The following UBXN11 variants were observed in gnomAD, a reference collection of about 807,000 sequenced individuals.
UBXN11 encodes UBX domain protein 11.
A neutral mutation model predicts 62.8 loss-of-function variants in UBXN11; 47 were observed. That is an observed-to-expected ratio of 0.75 (90% CI 0.59 to 0.95). The LOEUF (loss-of-function observed/expected upper bound fraction) is 0.95. Ranked by LOEUF, UBXN11 falls within the 40% of genes least tolerant of loss-of-function variation. The pLI is 0.00. For synonymous variants in UBXN11, 294 were observed against 267.0 expected, an observed-to-expected ratio of 1.10 and a Z score of -0.99; for missense variants, 638 against 661.7, an observed-to-expected ratio of 0.96 and a Z score of 0.39.
chr1:26,315,613 A>G (rs2073783758), intron 1 of UBXN11, among the ~76,000 whole-genome samples: 1 of 150,932 alleles, frequency 6.6e-6, no homozygotes, highest in Non-Finnish European at 1.5e-5. Context: ...CTCCCTCTCC[A>G]CTTCCTGGCT....
In UBXN11 at chr1:26,286,014, C is replaced by A. The variant is rs1444991827; in HGVS notation, c.583G>T (p.Val195Leu). The A allele has an allele frequency of 6.2e-7, 1 of 1,607,500 alleles. No homozygotes were observed. The highest frequency in any genetic ancestry group is 1.1e-5 in the South Asian group (1 of 90,748). ...CTGGCCAGCAGCCTGTCAAAGTCCA[C>A]CTCAGGGGGCGCCAATGAGTCCCCT... is the stretch of plus-strand genomic sequence containing the variant. ...KPGDSLAPPE[V>L]DFDRLLASLQ... Residue 195 changes from valine to leucine, a missense_variant, in exon 9 of 15, where the codon GTG becomes TTG. Val to Leu is a conservative substitution (Grantham distance 32, BLOSUM62 1). Coordinates refer to ENST00000374222, the MANE Select transcript of UBXN11 (RefSeq NM_001389556.1).
rs1448977901 is a variant in UBXN11 at position 26,294,251 on chromosome 1, C to T, written c.513G>A (p.Glu171=). The change falls in exon 8 of 15, where the codon GAG becomes GAA. Residue 171 remains glutamate, a synonymous_variant. Coordinates refer to ENST00000374222, the MANE Select transcript of UBXN11 (RefSeq NM_001389556.1). ...QEDSESKTVS[E]HGERDWMTAK... is the part of the protein sequence containing the mutation. ...CTGTCATCCAGTCCCTCTCGCCATG[C>T]TCTGAGACTGTCTTGCTCTCTGAGT... 6.2e-7 allele frequency: 1 copy of T among 1,614,214 alleles called. No individual in the cohort carries two copies. The highest frequency in any genetic ancestry group is 1.7e-5 in the Admixed American group (1 of 60,030).
At chr1:26,287,751 G>A (rs554859627) in intron 8 of UBXN11, among the ~76,000 whole-genome samples, 22 of 152,134 alleles carry the variant, frequency 1.4e-4, no homozygotes, top group African/African-American at 5.1e-4. Context: ...CAGCCCCTCC[G>A]GGGGCTCCCC....
chr1:26,318,237 C>T, exon 1 of UBXN11: 1 of 625,474 alleles, frequency 1.6e-6, no homozygotes, highest in Non-Finnish European at 2.8e-6. Context: ...GCCGCCCAGC[C>T]TTCCAGCTCT....
chr1:26,299,663 C>G (rs1034916622), intron 4 of UBXN11, among the ~76,000 whole-genome samples: 1 of 152,058 alleles, frequency 6.6e-6, no homozygotes, highest in East Asian at 1.9e-4. Flanking sequence ...GAGCAGTGGA[C>G]AGTATAGGAC....
chr1:26,283,057 G>T, intron 12 of UBXN11, 120 bp from the exon 13 acceptor site: 2 of 1,319,922 alleles, frequency 1.5e-6, no homozygotes, highest in Non-Finnish European at 1.1e-6. Context: ...AAGCGGGAGG[G>T]GGTGTTCTGT....
Position 26,282,896 on chromosome 1 carries a change from C to T in UBXN11, c.1119G>A (p.Val373=). The change falls in exon 13 of 15, where the codon GTG becomes GTA. Residue 373 remains valine (V), a synonymous_variant. Transcript: ENST00000374222. ...GCTCAGCGGCCAAGGTGGGCGTCTCCACCACAATCTCCTGGATCCGGGCAG... is the reference window on the plus strand; with the variant it reads ...GCTCAGCGGCCAAGGTGGGCGTCTCTACCACAATCTCCTGGATCCGGGCAG... The part of the protein sequence containing the change: ...PLPARIQEIV[V]ETPTLAAERE... 6.2e-7 allele frequency: 1 copy of T among 1,614,238 alleles called. No homozygotes were observed. The highest frequency in any genetic ancestry group is 8.5e-7 in the Non-Finnish European group (1 of 1,180,038).
In UBXN11 at chr1:26,285,807, C is replaced by T. The variant is rs777360638; in HGVS notation, c.774+16G>A. The T allele has an allele frequency of 1.0e-5, 16 of 1,582,316 alleles. No homozygotes were observed. The highest frequency in any genetic ancestry group is 1.3e-5 in the African/African-American group (1 of 74,366). On this transcript the variant is annotated intron_variant, in intron 9 of 14. Coordinates refer to ENST00000374222, the MANE Select transcript of UBXN11 (RefSeq NM_001389556.1). Reference sequence around the variant, plus strand: ...CAGGGGCACTAGAGCACCACCCCCCCCAACACCGCTCCTACCTGTGTGGAG... The same window carrying T: ...CAGGGGCACTAGAGCACCACCCCCCTCAACACCGCTCCTACCTGTGTGGAG...
chr1:26,317,066 TAA>T (rs5773158), intron 1 of UBXN11, among the ~76,000 whole-genome samples: 666 of 135,656 alleles, frequency 4.9e-3, no homozygotes, highest in Middle Eastern at 7.4e-3. Context: ...CAGTCTCCGC[TAA>T]AAAAAAAAAA....
At chr1:26,302,362 T>TAAAAAAAAAAA (rs56003085) in intron 2 of UBXN11, among the ~76,000 whole-genome samples, 4 of 69,562 alleles carry the variant, frequency 5.8e-5, no homozygotes, top group East Asian at 4.6e-4. Flanking sequence ...ACTTGGTCTT[T>TAAAAAAAAAAA]AAAAAAAAAA....
chr1:26,300,778 C>T, intron 4 of UBXN11, 148 bp downstream of exon 4: 8 of 1,374,874 alleles, frequency 5.8e-6, no homozygotes, highest in African/African-American at 1.4e-5. Context: ...TATGCCAAGC[C>T]AGGTCCCTGC....
intron 7 of UBXN11, among the ~76,000 whole-genome samples, chr1:26,295,899 G>A (rs1347017961): frequency 6.6e-6 from 1 of 152,268 alleles, no homozygotes; most frequent in Non-Finnish European, 1.5e-5. Context: ...TGATAACTGT[G>A]TGGCGGAGAC....
chr1:26,289,160 C>T (rs938195831), intron 8 of UBXN11, among the ~76,000 whole-genome samples: 28 of 152,324 alleles, frequency 1.8e-4, no homozygotes, highest in African/African-American at 5.5e-4. Context: ...AGGGCACTTC[C>T]GAGCTCTGTA....
rs929397363 is a variant in UBXN11, at chr1:26,284,177, T to C, written c.1042A>G (p.Ile348Val). The change falls in exon 12 of 15, where the codon ATT (isoleucine) becomes GTT (valine). Residue 348 changes from isoleucine (I) to valine (V), a missense_variant. Ile to Val is a conservative substitution (Grantham distance 29). Transcript: ENST00000374222. ...TCCCTGATGGGGCCCCGGATGTCAA[T>C]CACCTCGCCTTGCCGGATCACAAAC... The part of the protein sequence containing the change: ...PKFVIRQGEV[I>V]DIRGPIRDTL... 1 of 1,612,756 alleles carries C rather than the reference T, an allele frequency of 6.2e-7. No homozygotes were observed.
chr1:26,288,641 T>C (rs2073186485), intron 8 of UBXN11, among the ~76,000 whole-genome samples: 1 of 152,154 alleles, frequency 6.6e-6, no homozygotes, highest in South Asian at 2.1e-4. Context: ...AGGTCTGCCC[T>C]GAGCTAGCAG....
At chr1:26,307,960 T>C (rs2073698170), upstream of UBXN11, among the ~76,000 whole-genome samples, 1 of 152,094 alleles carries the variant, frequency 6.6e-6, no homozygotes, top group South Asian at 2.1e-4. Context: ...AAGTACCAGA[T>C]GGTAACATGA....
chr1:26,310,289 G>C (rs934938421), upstream of UBXN11, among the ~76,000 whole-genome samples: 1 of 151,870 alleles, frequency 6.6e-6, no homozygotes, highest in Non-Finnish European at 1.5e-5. Flanking sequence ...TGTAATCCCA[G>C]CACTTTGGGA....
upstream of UBXN11, among the ~76,000 whole-genome samples, chr1:26,310,538 C>CAAAAA (rs112135867): frequency 2.9e-5 from 4 of 137,970 alleles, no homozygotes; most frequent in South Asian, 2.3e-4. Context: ...GACTCCATCT[C>CAAAAA]AAAAAAAAAA....
chr1:26,282,647 A>C lies in UBXN11; in HGVS notation c.1292+2T>G. On this transcript the variant is annotated splice_donor_variant, in intron 14 of 14. Coordinates refer to ENST00000374222, the MANE Select transcript of UBXN11 (RefSeq NM_001389556.1). LOFTEE classifies it high-confidence loss of function. ...GTGGCCCTGGCCCTGCCCTGCACCC[A>C]CCTGGCCTGCGCTAGCAGAGCTCGC... 1.2e-6 allele frequency: 2 copies of C among 1,613,952 alleles called. No homozygotes were observed. Among genetic ancestry groups the C allele is most frequent in the Non-Finnish European group, 1.7e-6 (2 of 1,180,014 alleles).
Sources: gnomAD v4.1 joint callset for allele counts (sites outside exome capture counted in the v4.1 genomes callset) on GRCh38, gnomAD v4.1.1 for gene constraint, MANE v1.5 for transcripts, NCBI Gene and HGNC (gene_info 2026-07-23, HGNC 2026-07-21) for gene names.